The following PCDHGA5 variants were observed in gnomAD, a reference collection of about 807,000 sequenced individuals.
The protein encoded by PCDHGA5 is protocadherin gamma-A5.
A neutral mutation model predicts 56.7 loss-of-function variants in PCDHGA5; 36 were observed. The observed-to-expected ratio is 0.64, with a 90% CI of 0.49 to 0.84. The LOEUF (loss-of-function observed/expected upper bound fraction) is 0.84. PCDHGA5 is among the 40% of genes least tolerant of loss of function. PCDHGA5 has a pLI of 0.00. For missense variants in PCDHGA5, 1,305 were observed against 1,201.5 expected, an observed-to-expected ratio of 1.09 and a Z score of -1.27; for synonymous variants, 563 against 520.2, an observed-to-expected ratio of 1.08 and a Z score of -1.12.
In PCDHGA5 at chr5:141,388,074, C is replaced by T. The variant is rs770542956; in HGVS notation, c.2421+21323C>T. 1.6e-5 allele frequency: 22 copies of T among 1,363,892 alleles called. No homozygotes were observed. In the South Asian group the frequency reaches 2.8e-4, roughly 17 times the overall value. 84.5% of individuals were successfully genotyped at this position (1,363,892 alleles called of 1,614,324 possible). On this transcript the variant is annotated intron_variant, in intron 1 of 3. Transcript: ENST00000518069. ...GTTCAGCGTCCAGGAGTTACCGACT[C>T]GAAAACTGCGCGTCAGTTCGGAGAA...
At chr5:141,370,334 T>C in intron 1 of PCDHGA5, 3 of 1,443,302 alleles carry the variant, frequency 2.1e-6, no homozygotes, top group Non-Finnish European at 2.8e-6. Context: ...CGGAGAACTC[T>C]TGGGATTATT....
chr5:141,375,486 G>C (rs1193457334), intron 1 of PCDHGA5: 1 of 1,613,796 alleles, frequency 6.2e-7, no homozygotes, highest in Non-Finnish European at 8.5e-7. Flanking sequence ...AACCCCAGGG[G>C]TGCCTCCATC....
At chr5:141,383,126 C>A in intron 1 of PCDHGA5, 1 of 1,614,062 alleles carries the variant, frequency 6.2e-7, no homozygotes, top group East Asian at 2.2e-5. Context: ...CAGCTTTTCG[C>A]CCTGAACCAG....
chr5:141,427,469 C>T lies in PCDHGA5; in HGVS notation c.2421+60718C>T, dbSNP rs116302471. The T allele has an allele frequency of 9.8e-3, 5,010 of 510,088 alleles. 35 individuals are homozygous for T. Among genetic ancestry groups the T allele is most frequent in the Non-Finnish European group, 0.012 (3,225 of 262,464 alleles). 31.6% of individuals were successfully genotyped at this position (510,088 alleles called of 1,614,324 possible). A position where few individuals can be genotyped will look rare whatever the true frequency, so the allele number is the denominator to read the frequency against. On this transcript the variant is annotated intron_variant, in intron 1 of 3. Coordinates refer to ENST00000518069, the MANE Select transcript of PCDHGA5 (RefSeq NM_018918.3). Reference sequence around the variant, plus strand: ...GAGTTCCTTTTAGAATCGAATCTTCCGCCAATAATGACTATAAGCTTGTAA... The same window carrying T: ...GAGTTCCTTTTAGAATCGAATCTTCTGCCAATAATGACTATAAGCTTGTAA...
At chr5:141,471,217 T>G (rs2099252724) in intron 1 of PCDHGA5, 1 of 151,568 alleles carries the variant, frequency 6.6e-6, no homozygotes, top group South Asian at 2.1e-4. Context: ...GCCTGGCAAT[T>G]TTTTTGTATT....
Position 141,490,365 on chromosome 5 carries a change from A to G in PCDHGA5, c.2422-4442A>G. The G allele has an allele frequency of 6.2e-7, 1 of 1,614,170 alleles. No individual in the cohort carries two copies. The highest frequency in any genetic ancestry group is 8.5e-7 in the Non-Finnish European group (1 of 1,180,030). On this transcript the variant is annotated intron_variant, in intron 1 of 3. Coordinates refer to ENST00000518069, the MANE Select transcript of PCDHGA5 (RefSeq NM_018918.3). The surrounding 1 kb of genome is among the most constrained non-coding windows in gnomAD (Gnocchi z 5.4). ...CAGTAGTGGGGTTGTTTAATGTGCG[A>G]GACCGGGACTCAGGTAGAAATGGTG...
At chr5:141,388,369 T>G in intron 1 of PCDHGA5, 1 of 1,614,006 alleles carries the variant, frequency 6.2e-7, no homozygotes, top group Non-Finnish European at 8.5e-7. Flanking sequence ...GATGCGGATA[T>G]TGGTAGCAAC....
At chr5:141,450,211 T>TTTCA (rs1038674129) in intron 1 of PCDHGA5, among the ~76,000 whole-genome samples, 23 of 152,166 alleles carry the variant, frequency 1.5e-4, no homozygotes, top group African/African-American at 4.3e-4. Flanking sequence ...AGAGACAAGG[T>TTTCA]TTCACTATGT....
intron 1 of PCDHGA5, chr5:141,385,543 C>G (rs1284826303): frequency 7.6e-7 from 1 of 1,322,422 alleles, no homozygotes; most frequent in Non-Finnish European, 9.7e-7. Context: ...AATATGTGGA[C>G]TATCACATTT....
At chr5:141,418,481 C>G (rs1438009750) in intron 1 of PCDHGA5, 1 of 1,614,006 alleles carries the variant, frequency 6.2e-7, no homozygotes, top group Admixed American at 1.7e-5. Context: ...GCAGAGCGCT[C>G]ACCACTTGGT....
intron 1 of PCDHGA5, chr5:141,471,417 T>A (rs1174855045): frequency 6.6e-6 from 1 of 152,190 alleles, no homozygotes; most frequent in Non-Finnish European, 1.5e-5. Flanking sequence ...GTTATGTTTT[T>A]AGCAAGGAAA....
chr5:141,460,454 T>A (rs1010186960), intron 1 of PCDHGA5, among the ~76,000 whole-genome samples: 6 of 152,194 alleles, frequency 3.9e-5, no homozygotes, highest in Admixed American at 3.3e-4. Flanking sequence ...TGAAGATTCA[T>A]ATTTTTTTCC....
At chr5:141,383,385 G>A in intron 1 of PCDHGA5, 2 of 1,613,962 alleles carry the variant, frequency 1.2e-6, no homozygotes, top group South Asian at 2.2e-5. Flanking sequence ...ATCCAGATGT[G>A]GGCACGAACT....
chr5:141,441,633 C>T, intron 1 of PCDHGA5: 1 of 226,756 alleles, frequency 4.4e-6, no homozygotes, highest in Non-Finnish European at 8.9e-6. Flanking sequence ...CCTGGAGCCA[C>T]AGGCGCTGTG....
At chr5:141,484,453 C>T (rs1212059469) in intron 1 of PCDHGA5, among the ~76,000 whole-genome samples, 1 of 152,160 alleles carries the variant, frequency 6.6e-6, no homozygotes. Flanking sequence ...TAATTGGCTA[C>T]GTTAATGTGT....
intron 1 of PCDHGA5, chr5:141,375,284 TATTATCGATTAGTGACAA>T: frequency 3.1e-6 from 5 of 1,613,832 alleles, no homozygotes; most frequent in Non-Finnish European, 4.2e-6. Context: ...AGTTGGCAAT[TATTATCGATTAGTGACAA>T]ATGCAGCTCT....
intron 1 of PCDHGA5, chr5:141,415,272 A>G (rs771588742): frequency 1.3e-5 from 21 of 1,614,208 alleles, no homozygotes; most frequent in African/African-American, 9.3e-5. Context: ...ACCTGGTGGT[A>G]GCGGTGGCCG....
chr5:141,378,002 A>G (rs111381371), intron 1 of PCDHGA5: 1 of 152,236 alleles, frequency 6.6e-6, no homozygotes, highest in Non-Finnish European at 1.5e-5. Flanking sequence ...AGCTTGGCTC[A>G]AATAAGCTCT....
intron 1 of PCDHGA5, chr5:141,403,224 A>G (rs753308307): frequency 2.0e-5 from 32 of 1,613,820 alleles, no homozygotes; most frequent in Non-Finnish European, 2.5e-5. Context: ...GGTAGGATAG[A>G]CCGGGAGGAG....
Sources: gnomAD v4.1 joint callset for allele counts (sites outside exome capture counted in the v4.1 genomes callset) on GRCh38, gnomAD v4.1.1 for gene constraint, Gnocchi (gnomAD v3.1) non-coding constraint, MANE v1.5 for transcripts, NCBI Gene and HGNC (gene_info 2026-07-23, HGNC 2026-07-21) for gene names.